The following THSD7B variants were observed in gnomAD, a reference collection of about 807,000 sequenced individuals.
THSD7B encodes the protein thrombospondin type-1 domain-containing protein 7B.
A neutral mutation model predicts 213.6 loss-of-function variants in THSD7B; 138 were observed. That is an observed-to-expected ratio of 0.65 (90% CI 0.56 to 0.74). The LOEUF is 0.74. THSD7B is among the 30% of genes least tolerant of loss of function. THSD7B has a pLI of 0.00. For synonymous variants in THSD7B, 742 were observed against 687.0 expected, an observed-to-expected ratio of 1.08 and a Z score of -1.25; for missense variants, 1,931 against 1,991.5, an observed-to-expected ratio of 0.97 and a Z score of 0.58.
At chr2:137,482,197 A>C (rs998972732) in intron 15 of THSD7B, among the ~76,000 whole-genome samples, 1 of 151,924 alleles carries the variant, frequency 6.6e-6, no homozygotes, top group Non-Finnish European at 1.5e-5. Context: ...CAAAAAAAAA[A>C]AAAAAAGGGT....
chr2:136,984,250 G>T (rs1685633673), intron 2 of THSD7B, among the ~76,000 whole-genome samples: 1 of 152,186 alleles, frequency 6.6e-6, no homozygotes, highest in South Asian at 2.1e-4. Context: ...GATATGGTCT[G>T]GATGTTTGTC....
chr2:137,589,561 T>A (rs1681819365), intron 17 of THSD7B, among the ~76,000 whole-genome samples: 1 of 152,248 alleles, frequency 6.6e-6, no homozygotes, highest in African/African-American at 2.4e-5. Flanking sequence ...ATTGCCAGCA[T>A]AGAGGCGGTA....
At chr2:136,925,731 A>C (rs887889515) in intron 2 of THSD7B, among the ~76,000 whole-genome samples, 2 of 152,106 alleles carry the variant, frequency 1.3e-5, no homozygotes, top group African/African-American at 4.8e-5. Flanking sequence ...GGAAGAGTTT[A>C]AGGGGATTGG....
intron 15 of THSD7B, among the ~76,000 whole-genome samples, chr2:137,513,884 TG>T (rs1336308765): frequency 1.7e-4 from 26 of 152,324 alleles, no homozygotes; most frequent in African/African-American, 6.0e-4. Context: ...AAATGTCAAT[TG>T]TGCCAGACAC....
chr2:137,042,167 A>G (rs1452381785), intron 2 of THSD7B, among the ~76,000 whole-genome samples: 1 of 150,458 alleles, frequency 6.6e-6, no homozygotes, highest in Admixed American at 6.6e-5. Context: ...ACTTTTACTG[A>G]TGTGTTCATT....
chr2:137,133,865 C>A (rs920313400), intron 5 of THSD7B, among the ~76,000 whole-genome samples: 1 of 152,088 alleles, frequency 6.6e-6, no homozygotes, highest in African/African-American at 2.4e-5. Context: ...ATATGTTTTA[C>A]ACTTGCAGTG....
At chr2:137,675,816 C>G (rs1683687689) in intron 27 of THSD7B, among the ~76,000 whole-genome samples, 1 of 152,046 alleles carries the variant, frequency 6.6e-6, no homozygotes, top group Non-Finnish European at 1.5e-5. Flanking sequence ...AGTTAAGTGG[C>G]AGAATTAAAG....
At chr2:137,139,960 GT>G (rs1256383582) in intron 5 of THSD7B, among the ~76,000 whole-genome samples, 3 of 151,942 alleles carry the variant, frequency 2.0e-5, no homozygotes, top group African/African-American at 7.3e-5. Flanking sequence ...ATTCGAATTG[GT>G]TTTTATTCAT....
intron 12 of THSD7B, among the ~76,000 whole-genome samples, chr2:137,294,583 C>CAAAAAAAAAAAAAAAAAAAAAAAAAAAAA (rs1210363889): frequency 2.7e-4 from 20 of 73,218 alleles, no homozygotes; most frequent in Middle Eastern, 9.3e-3. Context: ...AACTCCATCT[C>CAAAAAAAAAAAAAAAAAAAAAAAAAAAAA]AAAAAAAAAA....
At chr2:137,674,139 C>A (rs779026108) in intron 27 of THSD7B, among the ~76,000 whole-genome samples, 1 of 152,210 alleles carries the variant, frequency 6.6e-6, no homozygotes, top group Non-Finnish European at 1.5e-5. Context: ...ATGACCACCT[C>A]TAGCCGTTCT....
chr2:136,903,636 C>T (rs1303487588), intron 2 of THSD7B, among the ~76,000 whole-genome samples: 1 of 152,154 alleles, frequency 6.6e-6, no homozygotes, highest in African/African-American at 2.4e-5. Context: ...CAGCACCACA[C>T]CTCACCCTTC....
intron 20 of THSD7B, among the ~76,000 whole-genome samples, chr2:137,638,637 T>C (rs1049391323): frequency 3.9e-5 from 6 of 151,980 alleles, no homozygotes; most frequent in Non-Finnish European, 8.8e-5. Flanking sequence ...GACAAGAAAA[T>C]GTGGGGAAGT....
At chr2:136,803,381 CTTA>C (rs1682224439) in intron 1 of THSD7B, among the ~76,000 whole-genome samples, 2 of 152,044 alleles carry the variant, frequency 1.3e-5, no homozygotes, top group South Asian at 4.1e-4. Context: ...TTGCAAAATT[CTTA>C]TTATCAGGAA....
chr2:137,622,320 A>C (rs1170096288), intron 20 of THSD7B, among the ~76,000 whole-genome samples: 3 of 152,198 alleles, frequency 2.0e-5, no homozygotes, highest in Non-Finnish European at 4.4e-5. Context: ...TCTGAGACTC[A>C]AGGTAAGTTC....
At chr2:137,592,130 G>C (rs887272644) in intron 17 of THSD7B, among the ~76,000 whole-genome samples, 1 of 151,430 alleles carries the variant, frequency 6.6e-6, no homozygotes, top group Non-Finnish European at 1.5e-5. Context: ...CTGTGCACTT[G>C]AGTAATTTAA....
intron 17 of THSD7B, among the ~76,000 whole-genome samples, chr2:137,596,591 T>A (rs969100883): frequency 6.6e-6 from 1 of 152,026 alleles, no homozygotes; most frequent in Non-Finnish European, 1.5e-5. Flanking sequence ...TCAAAGCACA[T>A]GCAAATTGAG....
intron 2 of THSD7B, among the ~76,000 whole-genome samples, chr2:136,989,131 C>T (rs1201159956): frequency 2.0e-5 from 3 of 152,142 alleles, no homozygotes; most frequent in South Asian, 2.1e-4. Flanking sequence ...GGGAAGTCAA[C>T]CTTGTGAGAA....
intron 1 of THSD7B, among the ~76,000 whole-genome samples, chr2:136,861,629 C>T (rs188004911): frequency 1.1e-4 from 16 of 152,316 alleles, no homozygotes; most frequent in Admixed American, 4.6e-4. Context: ...CAAATGTCTA[C>T]TCTGTAAGAG....
At chr2:137,025,734 T>C (rs1686542599) in intron 2 of THSD7B, among the ~76,000 whole-genome samples, 1 of 152,146 alleles carries the variant, frequency 6.6e-6, no homozygotes, top group African/African-American at 2.4e-5. Flanking sequence ...ATATCACTTC[T>C]GTTCAGATTC....
Sources: allele counts gnomAD v4.1 joint callset (sites outside exome capture counted in the v4.1 genomes callset), GRCh38; gene constraint gnomAD v4.1.1; transcripts MANE v1.5; gene names NCBI Gene and HGNC (gene_info 2026-07-23, HGNC 2026-07-21).